SLC5A5: variants seen among roughly 807,000 people sequenced by gnomAD.
SLC5A5 encodes sodium/iodide cotransporter.
Under a neutral mutation model 68.6 loss-of-function variants are expected in SLC5A5, and 56 were observed. That is an observed-to-expected ratio of 0.82 (90% CI 0.66 to 1.02). SLC5A5 has a LOEUF of 1.02. Among genes scored for constraint, SLC5A5 ranks in the 50% least tolerant of loss-of-function variants. SLC5A5 has a pLI of 0.00. For synonymous variants in SLC5A5, 398 were observed against 373.0 expected, an observed-to-expected ratio of 1.07 and a Z score of -0.77; for missense variants, 807 against 859.8, an observed-to-expected ratio of 0.94 and a Z score of 0.77.
Position 17,882,235 on chromosome 19 carries a change from C to A in SLC5A5, c.1242+16C>A. 11 of 1,605,024 alleles carry A rather than the reference C, an allele frequency of 6.9e-6. No individual in the cohort carries two copies. Among genetic ancestry groups the A allele is most frequent in the Non-Finnish European group, 9.4e-6 (11 of 1,172,848 alleles). ...TGTCCTTCAGGTGAGACCCCACCTG[C>A]CCCCTGCCCTGGTCTCCTGAGAGGT... On this transcript the variant is annotated intron_variant, in intron 10 of 14. Transcript: ENST00000222248.
chr19:17,883,963 C>T lies in SLC5A5; in HGVS notation c.1443C>T (p.Ala481=). The change falls in exon 12 of 15, where the codon GCC becomes GCT. Residue 481 remains alanine (A), a synonymous_variant. Coordinates refer to ENST00000222248, the MANE Select transcript of SLC5A5 (RefSeq NM_000453.3). The stretch of plus-strand genomic sequence containing the variant: ...TGAGGGTCCTGCCATCGTCGGCTGC[C>T]CGCTGCGTGGCTCTCTCAGTCAACG... The part of the protein sequence containing the change: ...QTMRVLPSSA[A]RCVALSVNAS... The T allele has an allele frequency of 6.4e-7, 1 of 1,564,972 alleles. No individual in the cohort carries two copies. The highest frequency in any genetic ancestry group is 8.6e-7 in the Non-Finnish European group (1 of 1,156,322).
At chr19:17,880,217 CTTT>C (rs55961004) in intron 7 of SLC5A5, among the ~76,000 whole-genome samples, 7 of 139,094 alleles carry the variant, frequency 5.0e-5, no homozygotes, top group African/African-American at 7.9e-5. Flanking sequence ...TCTTTTCTTT[CTTT>C]TTTTTTTTTT....
In SLC5A5 at chr19:17,894,114, C is replaced by G. The variant is rs1351656979; in HGVS notation, c.*237C>G. Reference sequence around the variant, plus strand: ...AGACGCTGCAGCCCTGACGGCTCCCCCCAAATAAGGCTGGGTTTTTCTCTC... The same window carrying G: ...AGACGCTGCAGCCCTGACGGCTCCCGCCAAATAAGGCTGGGTTTTTCTCTC... On this transcript the variant is annotated 3_prime_UTR_variant, in exon 15 of 15. Transcript: ENST00000222248. The G allele has an allele frequency of 1.9e-6, 1 of 528,200 alleles. No individual in the cohort carries two copies. The highest frequency in any genetic ancestry group is 3.4e-6 in the Non-Finnish European group (1 of 296,986). 32.7% of individuals were successfully genotyped at this position (528,200 alleles called of 1,614,324 possible). A position where few individuals can be genotyped will look rare whatever the true frequency, so the allele number is the denominator to read the frequency against.
rs183947586 is a variant in SLC5A5 at position 17,894,115 on chromosome 19, C to G, written c.*238C>G. On this transcript the variant is annotated 3_prime_UTR_variant, in exon 15 of 15. Transcript: ENST00000222248. Reference sequence around the variant, plus strand: ...GACGCTGCAGCCCTGACGGCTCCCCCCAAATAAGGCTGGGTTTTTCTCTCT... The same window carrying G: ...GACGCTGCAGCCCTGACGGCTCCCCGCAAATAAGGCTGGGTTTTTCTCTCT... The G allele has an allele frequency of 3.1e-5, 16 of 523,726 alleles. No homozygotes were observed. Among genetic ancestry groups the G allele is most frequent in the East Asian group, 1.9e-4 (6 of 31,118 alleles). 32.4% of individuals were successfully genotyped at this position (523,726 alleles called of 1,614,324 possible). A position where few individuals can be genotyped will look rare whatever the true frequency, so the allele number is the denominator to read the frequency against.
In SLC5A5 at chr19:17,883,810, A is replaced by C. The variant is rs200868271; in HGVS notation, c.1330-40A>C. ...AAGGGGCGGGGAGGGGCGGGGCCGG[A>C]CAGGCCCCTCCCCTTCCCTGACGCC... On this transcript the variant is annotated intron_variant, in intron 11 of 14. Coordinates refer to ENST00000222248, the MANE Select transcript of SLC5A5 (RefSeq NM_000453.3). 1.5e-3 allele frequency: 2,360 copies of C among 1,603,924 alleles called. 21 individuals are homozygous for C. The African/African-American group carries it at 0.024, about 16-fold the overall frequency.
intron 7 of SLC5A5, among the ~76,000 whole-genome samples, 158 bp from the exon 8 acceptor site, chr19:17,880,707 A>AAACAG (rs1196749615): frequency 1.3e-3 from 198 of 152,192 alleles, no homozygotes; most frequent in Non-Finnish European, 2.3e-3. Flanking sequence ...AAACAAAACA[A>AAACAG]AACAAAACAA....
chr19:17,892,178 C>T (rs1271821653), intron 14 of SLC5A5, among the ~76,000 whole-genome samples: 1 of 152,042 alleles, frequency 6.6e-6, no homozygotes, highest in Non-Finnish European at 1.5e-5. Flanking sequence ...CCTGTAATCC[C>T]AGCTACTCAG....
intron 7 of SLC5A5, among the ~76,000 whole-genome samples, chr19:17,879,862 C>T (rs1392666703): frequency 1.3e-5 from 2 of 152,152 alleles, no homozygotes; most frequent in Non-Finnish European, 2.9e-5. Context: ...AACAAATGCA[C>T]ATTATAGCCT....
intron 12 of SLC5A5, among the ~76,000 whole-genome samples, chr19:17,886,419 C>T (rs1029168879): frequency 3.3e-5 from 5 of 150,814 alleles, no homozygotes; most frequent in East Asian, 2.0e-4. Flanking sequence ...GCGATTCTCC[C>T]GCTTCAGCCT....
intron 4 of SLC5A5, among the ~76,000 whole-genome samples, 176 bp from the exon 5 acceptor site, chr19:17,875,776 T>TGTC: frequency 6.6e-6 from 1 of 152,222 alleles, no homozygotes; most frequent in Non-Finnish European, 1.5e-5. Context: ...AAACCTTTTC[T>TGTC]TTAAAAATAA....
intron 1 of SLC5A5, 59 bp from the exon 2 acceptor site, chr19:17,874,079 C>G (rs1320262195): frequency 8.1e-7 from 1 of 1,235,628 alleles, no homozygotes; most frequent in Non-Finnish European, 1.2e-6. Context: ...ACCAGGGACC[C>G]GAGAGGCCTC....
chr19:17,881,143 CAAGGGT>C (rs1287514679), intron 8 of SLC5A5, among the ~76,000 whole-genome samples, 190 bp downstream of exon 8: 6 of 152,188 alleles, frequency 3.9e-5, no homozygotes. Context: ...ACCCCAACTG[CAAGGGT>C]TTACCTTCTT....
intron 7 of SLC5A5, among the ~76,000 whole-genome samples, chr19:17,878,838 G>C (rs1479175359): frequency 2.0e-5 from 3 of 151,880 alleles, no homozygotes. Context: ...ACCTAGGCCT[G>C]GTGATGCATG....
chr19:17,874,592 A>G (rs900281588), intron 3 of SLC5A5, 47 bp downstream of exon 3: 7 of 1,612,320 alleles, frequency 4.3e-6, no homozygotes, highest in Non-Finnish European at 5.9e-6. Flanking sequence ...AGAGAAAGGG[A>G]GGGAGAGGAG....
intron 4 of SLC5A5, 131 bp from the exon 5 acceptor site, chr19:17,875,821 G>C: frequency 1.3e-6 from 1 of 788,966 alleles, no homozygotes; most frequent in Non-Finnish European, 2.2e-6. Context: ...AACACAGTAA[G>C]AAGGTATTAT....
Position 17,889,355 on chromosome 19 carries a change from C to T in SLC5A5, c.1651+900C>T, listed in dbSNP as rs182007118. Among the ~76,000 whole-genome samples, 1,039 of 149,116 alleles carry T rather than the reference C, an allele frequency of 7.0e-3. 5 individuals carry two copies. Among genetic ancestry groups the T allele is most frequent in the Non-Finnish European group, 0.012 (801 of 67,666 alleles). ...TGGAGGTTGCAGTGAGCCAAGATTG[C>T]GTCACTGCACTCCAGCCTGGGCAAG... On this transcript the variant is annotated intron_variant, in intron 13 of 14. Coordinates refer to ENST00000222248, the MANE Select transcript of SLC5A5 (RefSeq NM_000453.3).
chr19:17,888,590 T>G, intron 13 of SLC5A5, 135 bp downstream of exon 13: 1 of 271,592 alleles, frequency 3.7e-6, no homozygotes, highest in Non-Finnish European at 6.3e-6. Flanking sequence ...ATTTGTACCT[T>G]ATTATTATTA....
chr19:17,881,909 G>A, intron 8 of SLC5A5, 51 bp from the exon 9 acceptor site: 3 of 1,412,536 alleles, frequency 2.1e-6, no homozygotes, highest in Non-Finnish European at 3.0e-6. Context: ...CAGATGGTGT[G>A]GACGGTCTCT....
intron 5 of SLC5A5, among the ~76,000 whole-genome samples, chr19:17,877,043 A>T (rs2147733771): frequency 6.6e-6 from 1 of 151,554 alleles, no homozygotes; most frequent in East Asian, 1.9e-4. Flanking sequence ...AAAAAAAAAA[A>T]AAGAGGATGG....
Sources: gnomAD v4.1 joint callset for allele counts (sites outside exome capture counted in the v4.1 genomes callset) on GRCh38, gnomAD v4.1.1 for gene constraint, MANE v1.5 for transcripts, NCBI Gene and HGNC (gene_info 2026-07-23, HGNC 2026-07-21) for gene names.